ARHGAP1: variants seen among roughly 807,000 people sequenced by gnomAD.
The protein encoded by ARHGAP1 is rho GTPase-activating protein 1.
A neutral mutation model predicts 52.2 loss-of-function variants in ARHGAP1; 23 were observed. The ratio of observed to expected loss-of-function variants is 0.44; its 90% CI spans 0.32 to 0.62. The LOEUF (loss-of-function observed/expected upper bound fraction) is 0.62. Ranked by LOEUF, ARHGAP1 falls within the 20% of genes least tolerant of loss-of-function variation. The probability of loss-of-function intolerance (pLI) is 0.05; values close to 1 mark genes in which losing one functional copy is unlikely to be tolerated. For synonymous variants in ARHGAP1, 210 were observed against 228.4 expected (o/e 0.92, Z 0.73); for missense variants, 480 against 560.9 (o/e 0.86, Z 1.46).
chr11:46,698,285 CT>C (rs1053939638), intron 1 of ARHGAP1, among the ~76,000 whole-genome samples: 1 of 152,156 alleles, frequency 6.6e-6, no homozygotes, highest in African/African-American at 2.4e-5. Context: ...ATACTTTGTG[CT>C]GCAGTGAACA....
chr11:46,682,265 C>T (rs2064534791), intron 4 of ARHGAP1, 83 bp from the exon 5 acceptor site: 5 of 1,556,886 alleles, frequency 3.2e-6, no homozygotes, highest in Non-Finnish European at 4.4e-6. Context: ...AAGAGTCTCC[C>T]ACCACGTCAC....
chr11:46,697,247 G>T (rs1354917132), intron 1 of ARHGAP1: 3 of 152,238 alleles, frequency 2.0e-5, no homozygotes, highest in African/African-American at 7.2e-5. Context: ...GCAGCCTGGG[G>T]GTAGGCACCT....
chr11:46,689,022 T>G (rs1349456452), intron 3 of ARHGAP1, among the ~76,000 whole-genome samples: 1 of 149,432 alleles, frequency 6.7e-6, no homozygotes, highest in Non-Finnish European at 1.5e-5. Flanking sequence ...AGGCGGAGGT[T>G]GCAGTGAGCT....
In ARHGAP1 at chr11:46,679,757, G is replaced by A. The variant is rs1389829281; in HGVS notation, c.918C>T (p.Asp306=). 1 of 1,613,670 alleles carries A rather than the reference G, an allele frequency of 6.2e-7. No individual in the cohort carries two copies. The highest frequency in any genetic ancestry group is 2.2e-5 in the East Asian group (1 of 44,896). The change falls in exon 11 of 13, where the codon GAC becomes GAT. Residue 306 remains aspartate, a synonymous_variant. Transcript: ENST00000311956. This position sits in a 1 kb window ranked among gnomAD's most constrained non-coding sequence, Gnocchi z 4.4. The part of the protein sequence containing the change: ...KYNMGLPVDF[D]QYNELHLPAV... ...CTGGCAGGTGCAGCTCATTGTACTG[G>A]TCGAAATCCACAGGCAGCCCTGGGG...
chr11:46,697,916 G>C (rs2064669058), intron 1 of ARHGAP1, among the ~76,000 whole-genome samples: 1 of 152,142 alleles, frequency 6.6e-6, no homozygotes, highest in Non-Finnish European at 1.5e-5. Flanking sequence ...ATCCAGCCAG[G>C]AGGCTGTGGG....
At position 46,696,131 on chromosome 11, in the gene ARHGAP1, T is replaced by C; in HGVS notation, c.-24A>G. The stretch of plus-strand genomic sequence containing the variant: ...ATGGCCAAGCCTGTCCCAGACAGCC[T>C]TGCCCTGCAGAACCTTAAGAGAAAC... On this transcript the variant is annotated 5_prime_UTR_variant, in exon 2 of 13. Transcript: ENST00000311956. This position sits in a 1 kb window ranked among gnomAD's most constrained non-coding sequence, Gnocchi z 4.8. The C allele has an allele frequency of 6.4e-7, 1 of 1,573,378 alleles. No individual in the cohort carries two copies. The highest frequency in any genetic ancestry group is 8.6e-7 in the Non-Finnish European group (1 of 1,160,050).
chr11:46,681,950 C>G lies in ARHGAP1; in HGVS notation c.449+101G>C, dbSNP rs1006587043. On this transcript the variant is annotated intron_variant, in intron 5 of 12. Transcript: ENST00000311956. This position sits in a 1 kb window ranked among gnomAD's most constrained non-coding sequence, Gnocchi z 5.7. ...ACGTAGACGGCAGCCCCCGCCACCC[C>G]CTGCCTTGGAATAAGCTCCTGCCCA... The G allele has an allele frequency of 5.2e-6, 8 of 1,540,086 alleles. No individual in the cohort carries two copies. In the Admixed American group the frequency reaches 1.1e-4, roughly 20 times the overall value.
Position 46,679,799 on chromosome 11 carries a change from G to A in ARHGAP1, c.899-23C>T, listed in dbSNP as rs893996086. On this transcript the variant is annotated intron_variant, in intron 10 of 12. Transcript: ENST00000311956. This position sits in a 1 kb window ranked among gnomAD's most constrained non-coding sequence, Gnocchi z 4.4. The stretch of plus-strand genomic sequence containing the variant: ...GCCCTGGGGTGGGGGCAGCGTGAGA[G>A]AAGCTCGGCACAGCCTGAAGGGCAG... 1.9e-6 allele frequency: 3 copies of A among 1,612,262 alleles called. No homozygotes were observed. The highest frequency in any genetic ancestry group is 2.7e-5 in the African/African-American group (2 of 75,026).
rs142345232 is a variant in ARHGAP1, at chr11:46,686,457, C to T, written c.317+1716G>A. Among the ~76,000 whole-genome samples the T allele has an allele frequency of 6.3e-3, 964 of 152,188 alleles. 9 individuals are homozygous for T. The highest frequency in any genetic ancestry group is 0.015 in the African/African-American group (635 of 41,526). On this transcript the variant is annotated intron_variant, in intron 4 of 12. Coordinates refer to ENST00000311956, the MANE Select transcript of ARHGAP1 (RefSeq NM_004308.5). Reference sequence around the variant, plus strand: ...TTTTTGAGACGGAGTCTCGCTCTGTCGCCCAGGCTGGAGTGCAGTGGTTCA... The same window carrying T: ...TTTTTGAGACGGAGTCTCGCTCTGTTGCCCAGGCTGGAGTGCAGTGGTTCA...
intron 3 of ARHGAP1, among the ~76,000 whole-genome samples, chr11:46,689,930 C>T (rs1274480599): frequency 2.0e-5 from 3 of 152,160 alleles, no homozygotes; most frequent in African/African-American, 7.2e-5. Context: ...AAAGCACCCC[C>T]GCTGAGCAGT....
Position 46,698,985 on chromosome 11 carries a change from G to C in ARHGAP1, c.-50+1566C>G, listed in dbSNP as rs545973433. ...TAAGACACCAGCCACCCACAAGCCT[G>C]CTCTACTCTGTGCAAAATACACCCA... On this transcript the variant is annotated intron_variant, in intron 1 of 12. Transcript: ENST00000311956. 9.9e-5 allele frequency among the ~76,000 whole-genome samples: 15 copies of C among 152,280 alleles called. No individual in the cohort carries two copies. In the South Asian group the frequency reaches 3.1e-3, roughly 32 times the overall value.
intron 3 of ARHGAP1, among the ~76,000 whole-genome samples, chr11:46,691,680 G>A (rs1592390555): frequency 2.0e-5 from 3 of 151,920 alleles, no homozygotes; most frequent in South Asian, 4.2e-4. Context: ...TCAAACTCCC[G>A]ACCTCAGGTG....
intron 3 of ARHGAP1, among the ~76,000 whole-genome samples, chr11:46,692,929 TGC>T (rs2134493264): frequency 6.6e-6 from 1 of 151,866 alleles, no homozygotes; most frequent in South Asian, 2.1e-4. Context: ...CTCCGCTCAC[TGC>T]AAGCTCCGCC....
chr11:46,678,021 C>G lies in ARHGAP1; in HGVS notation c.*1016G>C, dbSNP rs1275187017. 4 of 407,010 alleles carry G rather than the reference C, an allele frequency of 9.8e-6. No homozygotes were observed. Among genetic ancestry groups the G allele is most frequent in the Admixed American group, 3.2e-5 (1 of 31,036 alleles). The allele number at this position is 407,010 out of a possible 1,614,324, so 25.2% of individuals were successfully genotyped here. A position where few individuals can be genotyped will look rare whatever the true frequency, so the allele number is the denominator to read the frequency against. On this transcript the variant is annotated 3_prime_UTR_variant, in exon 13 of 13. Coordinates refer to ENST00000311956, the MANE Select transcript of ARHGAP1 (RefSeq NM_004308.5). ...GCTAGAACCCACCTATCTGGACTGA[C>G]CTATCAGCACAATCTCTGCCCCTCC... is the stretch of plus-strand genomic sequence containing the variant.
chr11:46,695,015 G>T (rs1341825153), intron 3 of ARHGAP1: 1 of 171,180 alleles, frequency 5.8e-6, no homozygotes. Context: ...GATTCCAGCT[G>T]CTCCTTCTAA....
chr11:46,694,906 C>A (rs2064641045), intron 3 of ARHGAP1, among the ~76,000 whole-genome samples: 8 of 152,206 alleles, frequency 5.3e-5, no homozygotes, highest in Admixed American at 4.6e-4. Flanking sequence ...CTTGCCCACG[C>A]CAATGCCTCA....
chr11:46,679,488 G>A lies in ARHGAP1; in HGVS notation c.1028-20C>T, dbSNP rs1032550984. The A allele has an allele frequency of 3.1e-6, 5 of 1,612,262 alleles. No individual in the cohort carries two copies. Among genetic ancestry groups the A allele is most frequent in the South Asian group, 2.2e-5 (2 of 91,000 alleles). Reference sequence around the variant, plus strand: ...CAATGTCTATGAGGAAAGGAGGCCCGGGTTATAGGGGCCCTAGGCTGGGCT... The same window carrying A: ...CAATGTCTATGAGGAAAGGAGGCCCAGGTTATAGGGGCCCTAGGCTGGGCT... On this transcript the variant is annotated intron_variant, in intron 11 of 12. Coordinates refer to ENST00000311956, the MANE Select transcript of ARHGAP1 (RefSeq NM_004308.5). This position sits in a 1 kb window ranked among gnomAD's most constrained non-coding sequence, Gnocchi z 4.4.
At position 46,679,227 on chromosome 11, in the gene ARHGAP1, T is replaced by C. The variant is rs2064504742; in HGVS notation, c.1132-2A>G. On this transcript the variant is annotated splice_acceptor_variant, in intron 12 of 12. Coordinates refer to ENST00000311956, the MANE Select transcript of ARHGAP1 (RefSeq NM_004308.5). LOFTEE classifies it high-confidence loss of function. This position sits in a 1 kb window ranked among gnomAD's most constrained non-coding sequence, Gnocchi z 4.4. ...GTTCTGGTCACTGTGTGCAGAAATC[T>C]GTGGAGGGAATCAGGGACTGCAGCA... The C allele has an allele frequency of 1.9e-6, 3 of 1,597,666 alleles. No individual in the cohort carries two copies.
intron 1 of ARHGAP1, among the ~76,000 whole-genome samples, chr11:46,697,997 C>T (rs1011950419): frequency 3.3e-5 from 5 of 152,226 alleles, no homozygotes; most frequent in African/African-American, 1.2e-4. Context: ...CCCCTCCAGG[C>T]CAGAGCCTTC....
Sources: gnomAD v4.1 joint callset for allele counts (sites outside exome capture counted in the v4.1 genomes callset) on GRCh38, gnomAD v4.1.1 for gene constraint, Gnocchi (gnomAD v3.1) non-coding constraint, MANE v1.5 for transcripts, NCBI Gene and HGNC (gene_info 2026-07-23, HGNC 2026-07-21) for gene names.